The following SERPINB7 variants were observed in gnomAD, a reference collection of about 807,000 sequenced individuals.
The protein encoded by SERPINB7 is serpin family B member 7, also known as serpin B7.
A neutral mutation model predicts 37.4 loss-of-function variants in SERPINB7; 31 were observed. That is an observed-to-expected ratio of 0.83 (90% CI 0.62 to 1.12). SERPINB7 has a LOEUF of 1.12. SERPINB7 is among the 50% of genes most tolerant of loss of function. The pLI is 0.00. For missense variants in SERPINB7, 521 were observed against 455.3 expected, an observed-to-expected ratio of 1.14 and a Z score of -1.31; for synonymous variants, 163 against 166.1, an observed-to-expected ratio of 0.98 and a Z score of 0.14.
At chr18:63,802,892 A>G (rs2049565134) in intron 7 of SERPINB7, among the ~76,000 whole-genome samples, 1 of 152,228 alleles carries the variant, frequency 6.6e-6, no homozygotes, top group African/African-American at 2.4e-5. Context: ...GAGAAGCAAG[A>G]GAAATGTCAT....
intron 2 of SERPINB7, among the ~76,000 whole-genome samples, chr18:63,787,111 T>C (rs1389851644): frequency 1.3e-5 from 2 of 152,216 alleles, no homozygotes; most frequent in Non-Finnish European, 2.9e-5. Context: ...TAAATCTTTT[T>C]ATTAATGAAA....
intron 1 of SERPINB7, among the ~76,000 whole-genome samples, chr18:63,753,336 C>A (rs2049102821): frequency 6.6e-6 from 1 of 152,158 alleles, no homozygotes; most frequent in African/African-American, 2.4e-5. Context: ...TTGTTGTAGA[C>A]TAATCTTGGG....
At chr18:63,778,466 A>C (rs1369812797) in intron 1 of SERPINB7, among the ~76,000 whole-genome samples, 2 of 152,084 alleles carry the variant, frequency 1.3e-5, no homozygotes, top group Non-Finnish European at 2.9e-5. Flanking sequence ...ATAATGTGTC[A>C]TGAACTATAA....
At chr18:63,785,538 C>T (rs11874879) in intron 2 of SERPINB7, among the ~76,000 whole-genome samples, 7,072 of 152,136 alleles carry the variant, frequency 0.046, 592 homozygotes, top group African/African-American at 0.16. Context: ...GGCTCATTTA[C>T]TCTATTAAAT....
chr18:63,759,240 C>T (rs2049139293), intron 1 of SERPINB7, among the ~76,000 whole-genome samples: 1 of 148,700 alleles, frequency 6.7e-6, no homozygotes, highest in South Asian at 2.1e-4. Context: ...GATTTGTAAT[C>T]TGAATTAAAA....
chr18:63,792,678 A>G (rs946580300), intron 3 of SERPINB7, among the ~76,000 whole-genome samples: 25 of 152,316 alleles, frequency 1.6e-4, no homozygotes, highest in African/African-American at 5.8e-4. Context: ...CAAGAGATGG[A>G]AGTTGGAGAA....
chr18:63,796,183 G>T, intron 4 of SERPINB7, 83 bp from the exon 5 acceptor site: 1 of 739,050 alleles, frequency 1.4e-6, no homozygotes, highest in South Asian at 2.0e-5. Context: ...TAAAGCAGTC[G>T]AAATTAAAAG....
chr18:63,774,889 G>A (rs1307461242), upstream of SERPINB7, among the ~76,000 whole-genome samples: 1 of 152,118 alleles, frequency 6.6e-6, no homozygotes, highest in Non-Finnish European at 1.5e-5. Context: ...GCAGTACAAA[G>A]AGAAGCCAGC....
chr18:63,766,844 C>T (rs2049183406), intron 1 of SERPINB7, among the ~76,000 whole-genome samples: 1 of 152,138 alleles, frequency 6.6e-6, no homozygotes, highest in African/African-American at 2.4e-5. Context: ...TTTCAATTCC[C>T]TCTAGTCATC....
chr18:63,800,141 C>A (rs1029666127), intron 6 of SERPINB7, among the ~76,000 whole-genome samples: 3 of 151,822 alleles, frequency 2.0e-5, no homozygotes, highest in Non-Finnish European at 4.4e-5. Flanking sequence ...CTAGCCTTGA[C>A]CTCTTGGGCT....
rs1568207699 is a variant in SERPINB7, at chr18:63,783,216, G to GAA, written c.168+677_168+678insAA. On this transcript the variant is annotated intron_variant, in intron 2 of 7. Coordinates refer to ENST00000398019, the MANE Select transcript of SERPINB7 (RefSeq NM_003784.4). ...AGAGAGAGAGAGAGAGAGAGAGAGA[G>GAA]AGAGAGAGAGAGAGAGAGAAAGAAA... is the stretch of plus-strand genomic sequence containing the variant. 2.8e-3 allele frequency among the ~76,000 whole-genome samples: 185 copies of GAA among 67,044 alleles called. 3 individuals are homozygous for GAA. Among genetic ancestry groups the GAA allele is most frequent in the African/African-American group, 9.1e-3 (145 of 15,944 alleles). 44.0% of individuals were successfully genotyped at this position (67,044 alleles called of 152,430 possible).
chr18:63,777,542 A>G (rs1332686549), intron 1 of SERPINB7, among the ~76,000 whole-genome samples: 2 of 152,116 alleles, frequency 1.3e-5, no homozygotes, highest in Non-Finnish European at 2.9e-5. Flanking sequence ...GTGATACTAA[A>G]TATCAAATGA....
At chr18:63,790,542 A>G (rs763081886) in intron 2 of SERPINB7, among the ~76,000 whole-genome samples, 2 of 152,244 alleles carry the variant, frequency 1.3e-5, no homozygotes, top group African/African-American at 2.4e-5. Flanking sequence ...CCTTAACTCA[A>G]TTTGTATAGT....
chr18:63,785,150 T>A (rs1473426295), intron 2 of SERPINB7, among the ~76,000 whole-genome samples: 1 of 152,250 alleles, frequency 6.6e-6, no homozygotes, highest in Non-Finnish European at 1.5e-5. Flanking sequence ...ATCTAATTTA[T>A]CTGCACACAT....
At position 63,779,571 on chromosome 18, in the gene SERPINB7, G is replaced by A. The variant is rs142065184; in HGVS notation, c.-18-2784G>A. Among the ~76,000 whole-genome samples the A allele has an allele frequency of 6.5e-4, 99 of 152,130 alleles. 2 individuals carry two copies. Among genetic ancestry groups the A allele is most frequent in the Middle Eastern group, 3.4e-3 (1 of 294 alleles). ...TAGTTAGTATCACCTATCATTTTAA[G>A]AGTTATGACTTGAGAATTCATAATT... On this transcript the variant is annotated intron_variant, in intron 1 of 7. Transcript: ENST00000398019.
upstream of SERPINB7, among the ~76,000 whole-genome samples, chr18:63,773,738 C>T (rs1030073763): frequency 3.3e-5 from 5 of 152,142 alleles, no homozygotes; most frequent in African/African-American, 1.2e-4. Context: ...ATTAATGTAA[C>T]ACGCCAGTCC....
At chr18:63,795,592 A>AT (rs398033190) in intron 4 of SERPINB7, among the ~76,000 whole-genome samples, 1 of 148,854 alleles carries the variant, frequency 6.7e-6, no homozygotes, top group Admixed American at 6.7e-5. Flanking sequence ...AAAAAAAAAA[A>AT]GAAAAGAAAA....
chr18:63,783,213 AG>A (rs373683106), intron 2 of SERPINB7, among the ~76,000 whole-genome samples: 1,375 of 77,646 alleles, frequency 0.018, 18 homozygotes, highest in East Asian at 0.066. Flanking sequence ...AGAGAGAGAG[AG>A]AGAGAGAGAG....
intron 1 of SERPINB7, chr18:63,753,197 C>G (rs561296665): frequency 2.0e-5 from 3 of 152,148 alleles, no homozygotes; most frequent in Admixed American, 1.3e-4. Flanking sequence ...GCCCCTAGTG[C>G]CTGAGGTGCT....
Sources: gnomAD v4.1 joint callset for allele counts (sites outside exome capture counted in the v4.1 genomes callset) on GRCh38, gnomAD v4.1.1 for gene constraint, MANE v1.5 for transcripts, NCBI Gene and HGNC (gene_info 2026-07-23, HGNC 2026-07-21) for gene names.